The following ANKRD31 variants were observed in gnomAD, a reference collection of about 807,000 sequenced individuals.
ANKRD31 encodes ankyrin repeat domain-containing protein 31.
A neutral mutation model predicts 186.0 loss-of-function variants in ANKRD31; 147 were observed. The ratio of observed to expected loss-of-function variants is 0.79; its 90% CI spans 0.69 to 0.91. The LOEUF (loss-of-function observed/expected upper bound fraction) is 0.91. Ranked by LOEUF, ANKRD31 falls within the 40% of genes least tolerant of loss-of-function variation. The pLI, the probability that ANKRD31 is intolerant of heterozygous loss-of-function variation, is 0.00. For missense variants in ANKRD31, 1,986 were observed against 2,148.8 expected (o/e 0.92, Z 1.50); for synonymous variants, 673 against 736.4 (o/e 0.91, Z 1.39).
At chr5:75,193,756 ATAAT>A (rs765862782) in intron 7 of ANKRD31, among the ~76,000 whole-genome samples, 165 bp from the exon 8 acceptor site, 10 of 152,206 alleles carry the variant, frequency 6.6e-5, no homozygotes, top group African/African-American at 1.2e-4. Context: ...AGATTTAATA[ATAAT>A]TAATGTAATA....
chr5:75,115,609 G>A (rs1162546726), intron 19 of ANKRD31, among the ~76,000 whole-genome samples: 9 of 151,918 alleles, frequency 5.9e-5, no homozygotes, highest in Non-Finnish European at 1.0e-4. Context: ...GACATGAACA[G>A]ACACTTCTCA....
At chr5:75,197,585 A>G (rs1378705806) in intron 6 of ANKRD31, among the ~76,000 whole-genome samples, 2 of 152,232 alleles carry the variant, frequency 1.3e-5, no homozygotes, top group Non-Finnish European at 2.9e-5. Flanking sequence ...AATGCTAACT[A>G]TAATTTTCTC....
chr5:75,163,392 C>T (rs1271176498), intron 11 of ANKRD31, among the ~76,000 whole-genome samples: 1 of 152,174 alleles, frequency 6.6e-6, no homozygotes, highest in Non-Finnish European at 1.5e-5. Context: ...GTTGGTGTGT[C>T]TGATCTGAAC....
chr5:75,189,603 T>G (rs1335114378), intron 9 of ANKRD31, among the ~76,000 whole-genome samples: 1 of 152,216 alleles, frequency 6.6e-6, no homozygotes, highest in Admixed American at 6.5e-5. Flanking sequence ...CTAGACAAAT[T>G]GCATGCTTAC....
rs1304484705 is a variant in ANKRD31 at position 75,146,096 on chromosome 5, A to C, written c.3315T>G (p.Ser1105Arg). The C allele has an allele frequency of 6.5e-7, 1 of 1,535,682 alleles. No homozygotes were observed. Among genetic ancestry groups the C allele is most frequent in the Admixed American group, 2.0e-5 (1 of 50,864 alleles). ...GAGAATCTATATTGTGTATAGTCTC[A>C]CTTTCTAGATGGTTTTGTCTCCTTT... ...VEKRRQNHLE[S>R]ETIHNIDSHS... is the part of the protein sequence containing the mutation. The change falls in exon 14 of 26, where the codon AGT becomes AGG. Residue 1105 changes from serine (S) to arginine (R), a missense_variant. Ser to Arg is a moderately radical substitution (Grantham distance 110). Transcript: ENST00000506364.
At chr5:75,223,364 G>C (rs1418515944) in intron 2 of ANKRD31, among the ~76,000 whole-genome samples, 2 of 152,088 alleles carry the variant, frequency 1.3e-5, no homozygotes, top group Admixed American at 6.5e-5. Context: ...AATATGCATA[G>C]AAAGTACATA....
chr5:75,098,761 T>C (rs1746550152), intron 22 of ANKRD31, among the ~76,000 whole-genome samples: 1 of 152,230 alleles, frequency 6.6e-6, no homozygotes, highest in African/African-American at 2.4e-5. Context: ...GAAATGCTTG[T>C]GATTTTTGCC....
intron 7 of ANKRD31, 65 bp downstream of exon 7, chr5:75,195,566 T>C (rs1755404628): frequency 7.5e-7 from 1 of 1,338,848 alleles, no homozygotes; most frequent in South Asian, 1.5e-5. Flanking sequence ...ATGCTTGTCC[T>C]ATAGCTCAGC....
At chr5:75,175,646 AACACACACACACACACACAC>A (rs10532266) in intron 10 of ANKRD31, among the ~76,000 whole-genome samples, 1 of 147,574 alleles carries the variant, frequency 6.8e-6, no homozygotes, top group African/African-American at 2.5e-5. Context: ...TACCTCAGAA[AACACACACACACACACACAC>A]ACACACACAC....
At chr5:75,159,885 TATG>T (rs1291091264) in intron 11 of ANKRD31, among the ~76,000 whole-genome samples, 2 of 152,090 alleles carry the variant, frequency 1.3e-5, no homozygotes, top group Non-Finnish European at 1.5e-5. Flanking sequence ...CATAAAACAA[TATG>T]ATATTGTATT....
intron 22 of ANKRD31, among the ~76,000 whole-genome samples, chr5:75,102,437 GA>G (rs1216797623): frequency 6.6e-6 from 1 of 152,210 alleles, no homozygotes; most frequent in Non-Finnish European, 1.5e-5. Context: ...CATGCTGGAA[GA>G]ACCACTACTC....
At chr5:75,071,589 A>G (rs1367520903) in intron 25 of ANKRD31, among the ~76,000 whole-genome samples, 1 of 149,214 alleles carries the variant, frequency 6.7e-6, no homozygotes, top group Non-Finnish European at 1.5e-5. Context: ...TCTGCCTCCC[A>G]GGTTCAAGCA....
At chr5:75,130,533 T>G (rs915202833) in intron 17 of ANKRD31, among the ~76,000 whole-genome samples, 8 of 152,206 alleles carry the variant, frequency 5.3e-5, no homozygotes, top group Non-Finnish European at 7.3e-5. Flanking sequence ...GACAGAGTGC[T>G]GATTGGTGCA....
chr5:75,217,030 G>C (rs1015963069), intron 3 of ANKRD31, among the ~76,000 whole-genome samples: 2 of 152,098 alleles, frequency 1.3e-5, no homozygotes, highest in African/African-American at 2.4e-5. Flanking sequence ...TAATATTATG[G>C]TTTTTGAGCA....
intron 11 of ANKRD31, among the ~76,000 whole-genome samples, chr5:75,157,018 G>A (rs910836334): frequency 2.6e-5 from 4 of 152,174 alleles, no homozygotes; most frequent in Admixed American, 6.6e-5. Context: ...AAATGTAGAC[G>A]TGGCTTTGGA....
At chr5:75,167,948 A>T (rs1753039547) in intron 11 of ANKRD31, among the ~76,000 whole-genome samples, 1 of 152,098 alleles carries the variant, frequency 6.6e-6, no homozygotes, top group Non-Finnish European at 1.5e-5. Flanking sequence ...CTGACAGAGA[A>T]AGGATTCACA....
At chr5:75,102,405 T>C (rs1580329765) in intron 22 of ANKRD31, among the ~76,000 whole-genome samples, 1 of 152,208 alleles carries the variant, frequency 6.6e-6, no homozygotes, top group East Asian at 1.9e-4. Flanking sequence ...AGGCAGTCTG[T>C]CCATTCTCAG....
At chr5:75,192,518 CTGT>C in intron 9 of ANKRD31, 146 bp downstream of exon 9, 1 of 609,012 alleles carries the variant, frequency 1.6e-6, no homozygotes, top group Admixed American at 3.2e-5. Context: ...TAATAATGAG[CTGT>C]ATGGTTCTGG....
At chr5:75,101,358 T>G (rs1746864129) in intron 22 of ANKRD31, among the ~76,000 whole-genome samples, 1 of 152,192 alleles carries the variant, frequency 6.6e-6, no homozygotes, top group Admixed American at 6.5e-5. Context: ...GCCCTTAACA[T>G]TTTTTCCTTC....
Sources: gnomAD v4.1 joint callset for allele counts (sites outside exome capture counted in the v4.1 genomes callset) on GRCh38, gnomAD v4.1.1 for gene constraint, MANE v1.5 for transcripts, NCBI Gene and HGNC (gene_info 2026-07-23, HGNC 2026-07-21) for gene names.